The following ESRRG variants were observed in gnomAD, a reference collection of about 807,000 sequenced individuals.
The protein encoded by ESRRG is estrogen related receptor gamma.
In ESRRG, 13 loss-of-function variants were observed where a neutral mutation model predicts 44.0. The observed-to-expected ratio is 0.30, with a 90% CI of 0.19 to 0.47. The LOEUF (loss-of-function observed/expected upper bound fraction) is 0.47. Ranked by LOEUF, ESRRG falls within the 20% of genes least tolerant of loss-of-function variation. The pLI is 1.00. For missense variants in ESRRG, 395 were observed against 580.6 expected, an observed-to-expected ratio of 0.68 and a Z score of 3.29; for synonymous variants, 215 against 214.6, an observed-to-expected ratio of 1.00 and a Z score of -0.02.
intron 2 of ESRRG, among the ~76,000 whole-genome samples, chr1:216,729,655 C>T (rs1010226210): frequency 6.6e-6 from 1 of 152,154 alleles, no homozygotes; most frequent in African/African-American, 2.4e-5. Context: ...GGAAAGTTAA[C>T]TGATTCTGCT....
Position 216,963,687 on chromosome 1 carries a change from C to A in ESRRG, c.-105-24014G>T, listed in dbSNP as rs559405136. On this transcript the variant is annotated intron_variant, in intron 1 of 7. Transcript: ENST00000359162. ...CACGCAGTGGTGTCCTTAGGGAAACCCGAGAAGAGGAAAATCACGTTGTGC... is the reference window on the plus strand; with the variant it reads ...CACGCAGTGGTGTCCTTAGGGAAACACGAGAAGAGGAAAATCACGTTGTGC... Among the ~76,000 whole-genome samples the A allele has an allele frequency of 2.3e-4, 35 of 152,182 alleles. 1 individual carries two copies. In the South Asian group the frequency reaches 7.1e-3, roughly 31 times the overall value.
intron 3 of ESRRG, among the ~76,000 whole-genome samples, chr1:216,595,653 T>C (rs531336900): frequency 5.3e-5 from 8 of 152,324 alleles, no homozygotes; most frequent in African/African-American, 1.9e-4. Context: ...GGAAGCCTAA[T>C]TAGCTGTCTA....
At chr1:216,924,019 T>A (rs1348712103) in intron 2 of ESRRG, among the ~76,000 whole-genome samples, 2 of 152,198 alleles carry the variant, frequency 1.3e-5, no homozygotes, top group African/African-American at 4.8e-5. Flanking sequence ...GCTTTCAAAA[T>A]GAGGGAGCCC....
intron 2 of ESRRG, among the ~76,000 whole-genome samples, chr1:216,860,151 G>A (rs766985049): frequency 2.8e-4 from 43 of 152,146 alleles, no homozygotes; most frequent in Non-Finnish European, 5.1e-4. Context: ...TGTAATCCCA[G>A]CTATTCATGA....
intron 1 of ESRRG, among the ~76,000 whole-genome samples, chr1:216,978,646 G>A (rs2073394393): frequency 6.6e-6 from 1 of 152,140 alleles, no homozygotes; most frequent in Non-Finnish European, 1.5e-5. Context: ...AATACTGTGT[G>A]CAGTGCTTCT....
At chr1:216,926,974 T>C (rs1351096766) in intron 2 of ESRRG, among the ~76,000 whole-genome samples, 2 of 152,208 alleles carry the variant, frequency 1.3e-5, no homozygotes, top group African/African-American at 4.8e-5. Context: ...ACACTCTGTC[T>C]CACTGGAATA....
chr1:216,798,749 G>A (rs1024956328), intron 2 of ESRRG, among the ~76,000 whole-genome samples: 24 of 152,132 alleles, frequency 1.6e-4, no homozygotes, highest in African/African-American at 5.8e-4. Context: ...ACTGAAATAT[G>A]TGATCTTAGC....
chr1:216,523,049 A>T (rs1004317880), intron 5 of ESRRG, among the ~76,000 whole-genome samples: 3 of 152,038 alleles, frequency 2.0e-5, no homozygotes, highest in Non-Finnish European at 4.4e-5. Flanking sequence ...ACATCCTGGG[A>T]CCTTAATCTT....
chr1:216,685,080 A>G (rs1323886214), intron 1 of ESRRG, among the ~76,000 whole-genome samples: 1 of 152,204 alleles, frequency 6.6e-6, no homozygotes, highest in Admixed American at 6.5e-5. Flanking sequence ...CTCTTCTGCG[A>G]ACCAAAAGCC....
At chr1:216,767,286 C>G (rs2093131604) in intron 2 of ESRRG, among the ~76,000 whole-genome samples, 1 of 151,880 alleles carries the variant, frequency 6.6e-6, no homozygotes, top group African/African-American at 2.4e-5. Flanking sequence ...CACACACACG[C>G]AAAGGAGTGG....
chr1:217,112,338 G>T (rs781203886), intron 1 of ESRRG, among the ~76,000 whole-genome samples: 2 of 152,166 alleles, frequency 1.3e-5, no homozygotes, highest in Non-Finnish European at 2.9e-5. Flanking sequence ...GCAAGCACTA[G>T]ATCTTAGGAC....
intron 2 of ESRRG, among the ~76,000 whole-genome samples, chr1:216,892,682 A>T (rs960484838): frequency 6.6e-6 from 1 of 152,206 alleles, no homozygotes; most frequent in Non-Finnish European, 1.5e-5. Context: ...GAGAAATTAA[A>T]TTCAGCGAAA....
rs2091557162 is a variant in ESRRG, at chr1:217,079,235, T to A, written c.-106+10272A>T. 1.3e-5 allele frequency among the ~76,000 whole-genome samples: 2 copies of A among 152,226 alleles called. 1 individual carries two copies. Among genetic ancestry groups the A allele is most frequent in the South Asian group, 4.1e-4 (2 of 4,830 alleles). On this transcript the variant is annotated intron_variant, in intron 1 of 7. Transcript: ENST00000359162. ...GGTTAACCACTTCATTAACTGTGAG[T>A]TCCTCACTGTCCTTCCTTTCTCTTC...
intron 1 of ESRRG, among the ~76,000 whole-genome samples, chr1:217,115,994 CA>C (rs1239115432): frequency 4.6e-5 from 7 of 152,060 alleles, no homozygotes; most frequent in African/African-American, 1.7e-4. Context: ...ACTTCCAATC[CA>C]AAGACTAGCA....
chr1:216,884,569 T>G lies in ESRRG; in HGVS notation c.-14+55013A>C, dbSNP rs77832534. Among the ~76,000 whole-genome samples the G allele has an allele frequency of 5.8e-3, 881 of 152,286 alleles. 15 individuals are homozygous for G. The highest frequency in any genetic ancestry group is 0.055 in the East Asian group (284 of 5,174). Reference sequence around the variant, plus strand: ...AGGCTTGTCAGAGGCCTTCAAAACTTCTCATTAGCTGCTAAAATCTTTGCT... The same window carrying G: ...AGGCTTGTCAGAGGCCTTCAAAACTGCTCATTAGCTGCTAAAATCTTTGCT... On this transcript the variant is annotated intron_variant, in intron 2 of 7. Coordinates refer to the ESRRG transcript ENST00000359162.
chr1:217,133,984 C>T (rs568462109), intron 1 of ESRRG, among the ~76,000 whole-genome samples: 1 of 152,174 alleles, frequency 6.6e-6, no homozygotes, highest in South Asian at 2.1e-4. Flanking sequence ...CGAATGTGGC[C>T]CAGAGTTAGT....
intron 1 of ESRRG, among the ~76,000 whole-genome samples, chr1:217,058,413 G>C (rs956424827): frequency 6.6e-6 from 1 of 152,082 alleles, no homozygotes; most frequent in Non-Finnish European, 1.5e-5. Flanking sequence ...TAGCATATTT[G>C]AGAATGAGCT....
intron 4 of ESRRG, among the ~76,000 whole-genome samples, chr1:216,566,558 T>A (rs2059714438): frequency 6.6e-6 from 1 of 152,196 alleles, no homozygotes; most frequent in African/African-American, 2.4e-5. Flanking sequence ...TAGAGGAAAT[T>A]ATCAATGGTT....
intron 1 of ESRRG, among the ~76,000 whole-genome samples, chr1:217,057,306 TC>T (rs1336357147): frequency 1.3e-5 from 2 of 152,140 alleles, no homozygotes; most frequent in African/African-American, 4.8e-5. Flanking sequence ...GAATCATACC[TC>T]ATTCTAAAAT....
Sources: gnomAD v4.1 joint callset for allele counts (sites outside exome capture counted in the v4.1 genomes callset) on GRCh38, gnomAD v4.1.1 for gene constraint, MANE v1.5 for transcripts, NCBI Gene and HGNC (gene_info 2026-07-23, HGNC 2026-07-21) for gene names.